CATSPERT: variants seen among roughly 807,000 people sequenced by gnomAD.
CATSPERT encodes the protein cation channel sperm-associated targeting subunit tau.
the CATSPERT span, among the ~76,000 whole-genome samples, chr2:201,576,181 A>G: frequency 1.3e-5 from 2 of 152,204 alleles, no homozygotes; most frequent in African/African-American, 4.8e-5. Context: ...ACTCCATCTT[A>G]GAAAAAGACT....
chr2:201,516,529 GGCC>G, the CATSPERT span, among the ~76,000 whole-genome samples: 1 of 152,094 alleles, frequency 6.6e-6, no homozygotes. Flanking sequence ...CCTCCCACAA[GGCC>G]CCTCCCTTGA....
chr2:201,616,642 T>A, the CATSPERT span, among the ~76,000 whole-genome samples: 1 of 152,224 alleles, frequency 6.6e-6, no homozygotes, highest in African/African-American at 2.4e-5. Context: ...CTTTGAAAAC[T>A]GGCACAAGAC....
chr2:201,518,573 C>T, the CATSPERT span, among the ~76,000 whole-genome samples: 1 of 152,170 alleles, frequency 6.6e-6, no homozygotes, highest in South Asian at 2.1e-4. Context: ...TGATCTTAGT[C>T]CTCAGGTGTC....
the CATSPERT span, among the ~76,000 whole-genome samples, chr2:201,577,403 T>C: frequency 6.6e-6 from 1 of 152,210 alleles, no homozygotes; most frequent in African/African-American, 2.4e-5. Context: ...ACTTCGAGTA[T>C]ACATTTAAAG....
chr2:201,576,940 T>G, the CATSPERT span, among the ~76,000 whole-genome samples: 1 of 152,164 alleles, frequency 6.6e-6, no homozygotes, highest in Non-Finnish European at 1.5e-5. Context: ...CACGTTAACC[T>G]TTGGTATCCC....
chr2:201,563,155 A>G, the CATSPERT span, among the ~76,000 whole-genome samples: 1 of 35,438 alleles, frequency 2.8e-5, no homozygotes, highest in Admixed American at 3.8e-4. Context: ...CTGACCCCCC[A>G]CCTCCCTCCC....
At chr2:201,605,875 G>T in the CATSPERT span, among the ~76,000 whole-genome samples, 2 of 152,152 alleles carry the variant, frequency 1.3e-5, no homozygotes, top group Admixed American at 1.3e-4. Flanking sequence ...AAAATGAAAT[G>T]AGTGTTGATC....
the CATSPERT span, chr2:201,487,902 C>G: frequency 3.2e-6 from 5 of 1,566,202 alleles, no homozygotes; most frequent in African/African-American, 5.5e-5. Flanking sequence ...TCTGAACAAT[C>G]CTAAATAATA....
At chr2:201,604,178 A>AG in the CATSPERT span, among the ~76,000 whole-genome samples, 1 of 150,660 alleles carries the variant, frequency 6.6e-6, no homozygotes, top group African/African-American at 2.4e-5. Context: ...TGAAAGAGAG[A>AG]GGGGGGTGTT....
the CATSPERT span, among the ~76,000 whole-genome samples, chr2:201,510,741 A>T: frequency 6.6e-6 from 1 of 152,242 alleles, no homozygotes; most frequent in African/African-American, 2.4e-5. Flanking sequence ...ATAGTTAAAC[A>T]TAAAAACCAT....
chr2:201,618,638 ACATGGCACATGTATACCTATGTAACAAAC>A, the CATSPERT span, among the ~76,000 whole-genome samples: 4 of 152,076 alleles, frequency 2.6e-5, no homozygotes, highest in East Asian at 7.7e-4. Context: ...CAGCACACCA[ACATGGCACATGTATACCTATGTAACAAAC>A]CTGCACGTTG....
At chr2:201,576,279 C>T in the CATSPERT span, among the ~76,000 whole-genome samples, 1 of 152,188 alleles carries the variant, frequency 6.6e-6, no homozygotes, top group South Asian at 2.1e-4. Flanking sequence ...TATGTTCAAC[C>T]AGATAAGGAC....
chr2:201,580,458 T>C, the CATSPERT span, among the ~76,000 whole-genome samples: 1 of 152,366 alleles, frequency 6.6e-6, no homozygotes, highest in South Asian at 2.1e-4. Flanking sequence ...TGTAATTCTT[T>C]CATTACTTCT....
chr2:201,579,580 G>A, the CATSPERT span, among the ~76,000 whole-genome samples: 4 of 152,010 alleles, frequency 2.6e-5, no homozygotes, highest in Non-Finnish European at 5.9e-5. Context: ...CACCAAGCCT[G>A]GCTCCCAAGA....
the CATSPERT span, chr2:201,582,277 A>G: frequency 2.7e-6 from 4 of 1,455,682 alleles, no homozygotes; most frequent in Non-Finnish European, 3.7e-6. Context: ...ATTTCTGAAC[A>G]CATACATCCA....
At chr2:201,618,892 T>C in the CATSPERT span, 2 of 1,613,010 alleles carry the variant, frequency 1.2e-6, no homozygotes, top group African/African-American at 1.3e-5. Flanking sequence ...AGGCCCCCGC[T>C]CACTCACGTT....
chr2:201,489,830 T>C, the CATSPERT span, among the ~76,000 whole-genome samples: 1 of 151,978 alleles, frequency 6.6e-6, no homozygotes, highest in Non-Finnish European at 1.5e-5. Context: ...ATGATTTGTA[T>C]AAAGTCTAGT....
the CATSPERT span, among the ~76,000 whole-genome samples, chr2:201,539,116 G>T: frequency 1.4e-4 from 21 of 152,214 alleles, no homozygotes; most frequent in East Asian, 4.0e-3. Context: ...GAATGGTACT[G>T]CCATGAACAT....
At chr2:201,601,049 C>T in the CATSPERT span, among the ~76,000 whole-genome samples, 1 of 33,460 alleles carries the variant, frequency 3.0e-5, no homozygotes, top group African/African-American at 4.5e-5. Flanking sequence ...TGCGCCCAGC[C>T]ATTTTTTAAA....
Sources: allele counts gnomAD v4.1 joint callset (sites outside exome capture counted in the v4.1 genomes callset), GRCh38; gene constraint gnomAD v4.1.1; transcripts MANE v1.5; gene names NCBI Gene and HGNC (gene_info 2026-07-23, HGNC 2026-07-21).